SLC24A2: variants seen among roughly 807,000 people sequenced by gnomAD.
The protein encoded by SLC24A2 is solute carrier family 24 member 2.
A neutral mutation model predicts 62.0 loss-of-function variants in SLC24A2; 36 were observed. That is an observed-to-expected ratio of 0.58 (90% confidence interval 0.44 to 0.77). SLC24A2 has a LOEUF of 0.77. Among genes scored for constraint, SLC24A2 ranks in the 30% least tolerant of loss-of-function variants. The pLI, the probability that SLC24A2 is intolerant of heterozygous loss-of-function variation, is 0.00. For missense variants in SLC24A2, 846 were observed against 817.9 expected, an observed-to-expected ratio of 1.03 and a Z score of -0.42; for synonymous variants, 358 against 294.0, an observed-to-expected ratio of 1.22 and a Z score of -2.23.
At chr9:19,959,270 C>T in the SLC24A2 span, among the ~76,000 whole-genome samples, 1 of 152,158 alleles carries the variant, frequency 6.6e-6, no homozygotes, top group African/African-American at 2.4e-5. Context: ...CCAATTGTGG[C>T]ATGCAGAGAG....
At chr9:19,559,602 T>A (rs1364962806) in intron 7 of SLC24A2, among the ~76,000 whole-genome samples, 1 of 152,202 alleles carries the variant, frequency 6.6e-6, no homozygotes, top group East Asian at 1.9e-4. Flanking sequence ...CAAAAGTGCA[T>A]AGTCACACTT....
chr9:20,256,326 T>G, the SLC24A2 span, among the ~76,000 whole-genome samples: 2 of 152,168 alleles, frequency 1.3e-5, no homozygotes, highest in African/African-American at 4.8e-5. Context: ...AGACCTCTAG[T>G]TGCAACCAGC....
intron 2 of SLC24A2, among the ~76,000 whole-genome samples, chr9:19,635,556 A>C (rs376647269): frequency 6.6e-6 from 1 of 152,182 alleles, no homozygotes; most frequent in Admixed American, 6.5e-5. Context: ...AATATCCTGG[A>C]CCTATGGGAA....
At chr9:19,854,345 C>T in the SLC24A2 span, among the ~76,000 whole-genome samples, 4,729 of 152,110 alleles carry the variant, frequency 0.031, 116 homozygotes, top group Middle Eastern at 0.044. Flanking sequence ...CTTCCTCTAG[C>T]TTTAGAGTTT....
intron 6 of SLC24A2, among the ~76,000 whole-genome samples, chr9:19,573,743 C>G (rs541556077): frequency 6.6e-6 from 1 of 152,246 alleles, no homozygotes; most frequent in Non-Finnish European, 1.5e-5. Context: ...TAATAGCGCC[C>G]TGGCTTCCTG....
the SLC24A2 span, among the ~76,000 whole-genome samples, chr9:20,138,876 C>A: frequency 1.3e-5 from 2 of 152,184 alleles, no homozygotes; most frequent in African/African-American, 4.8e-5. Context: ...CGCTCCCAGG[C>A]GAAGGCCTCA....
At chr9:19,971,738 G>C in the SLC24A2 span, among the ~76,000 whole-genome samples, 6 of 152,230 alleles carry the variant, frequency 3.9e-5, no homozygotes, top group Admixed American at 2.6e-4. Context: ...AAGGACCCAC[G>C]AGGTTCCATG....
intron 2 of SLC24A2, among the ~76,000 whole-genome samples, chr9:19,633,061 T>C (rs912278343): frequency 6.6e-6 from 1 of 152,232 alleles, no homozygotes; most frequent in Non-Finnish European, 1.5e-5. Flanking sequence ...AATAATGTCA[T>C]ATGTATACTT....
the SLC24A2 span, among the ~76,000 whole-genome samples, chr9:19,995,270 A>G: frequency 6.6e-6 from 1 of 152,216 alleles, no homozygotes; most frequent in Non-Finnish European, 1.5e-5. Flanking sequence ...AATCAATTCA[A>G]CATTAAACTT....
intron 4 of SLC24A2, among the ~76,000 whole-genome samples, chr9:19,617,743 A>G (rs775361725): frequency 6.6e-5 from 10 of 152,200 alleles, no homozygotes; most frequent in Non-Finnish European, 1.3e-4. Context: ...TGCACAAACT[A>G]CTAGTTGTGC....
chr9:19,586,940 C>T (rs975928286), intron 5 of SLC24A2, among the ~76,000 whole-genome samples: 5 of 152,166 alleles, frequency 3.3e-5, no homozygotes, highest in African/African-American at 1.2e-4. Context: ...CTTTTGTTCC[C>T]ATCCCTGGAA....
chr9:19,964,967 C>T, the SLC24A2 span, among the ~76,000 whole-genome samples: 2 of 152,252 alleles, frequency 1.3e-5, no homozygotes, highest in Middle Eastern at 6.8e-3. Flanking sequence ...ATTTTCTCTT[C>T]CTGTCTTCCC....
At chr9:19,804,145 A>C in the SLC24A2 span, among the ~76,000 whole-genome samples, 2 of 152,166 alleles carry the variant, frequency 1.3e-5, no homozygotes, top group African/African-American at 4.8e-5. Context: ...AGCTTGTTAA[A>C]GTGGATAGCC....
At chr9:20,169,953 T>TAA in the SLC24A2 span, among the ~76,000 whole-genome samples, 1 of 151,808 alleles carries the variant, frequency 6.6e-6, no homozygotes, top group African/African-American at 2.4e-5. Context: ...AGTGAAGGGA[T>TAA]AAATATTCAA....
intron 2 of SLC24A2, among the ~76,000 whole-genome samples, chr9:19,761,366 A>T (rs948528891): frequency 2.9e-4 from 44 of 152,266 alleles, no homozygotes; most frequent in Admixed American, 2.9e-3. Context: ...GTGGCGTGAG[A>T]TGGTATCTCA....
chr9:19,693,535 C>G (rs1420345271), intron 2 of SLC24A2, among the ~76,000 whole-genome samples: 1 of 152,040 alleles, frequency 6.6e-6, no homozygotes, highest in Non-Finnish European at 1.5e-5. Flanking sequence ...CTTTATATAC[C>G]TAAACTCTTA....
At chr9:19,959,186 G>A in the SLC24A2 span, among the ~76,000 whole-genome samples, 1 of 152,212 alleles carries the variant, frequency 6.6e-6, no homozygotes, top group Non-Finnish European at 1.5e-5. Flanking sequence ...TGATGAGGGA[G>A]AAGGTGGGAG....
At chr9:19,583,323 A>T (rs1490559460) in intron 5 of SLC24A2, among the ~76,000 whole-genome samples, 1 of 152,182 alleles carries the variant, frequency 6.6e-6, no homozygotes, top group Non-Finnish European at 1.5e-5. Flanking sequence ...CACCTCATTG[A>T]GGCTTGTCTG....
At chr9:19,631,878 T>C (rs1245244112) in intron 2 of SLC24A2, among the ~76,000 whole-genome samples, 3 of 152,194 alleles carry the variant, frequency 2.0e-5, no homozygotes, top group Non-Finnish European at 4.4e-5. Flanking sequence ...GTCTTTCTTT[T>C]GGTGGTCCAA....
Sources: allele counts gnomAD v4.1 joint callset (sites outside exome capture counted in the v4.1 genomes callset), GRCh38; gene constraint gnomAD v4.1.1; transcripts MANE v1.5; gene names NCBI Gene and HGNC (gene_info 2026-07-23, HGNC 2026-07-21).